Variants in EPHA6 observed in about 807,000 individuals in gnomAD.
The protein encoded by EPHA6 is ephrin type-A receptor 6.
In EPHA6, 50 loss-of-function variants were observed where a neutral mutation model predicts 112.0. The ratio of observed to expected loss-of-function variants is 0.45; its 90% CI spans 0.36 to 0.56. The LOEUF is 0.56. EPHA6 is among the 20% of genes least tolerant of loss of function. EPHA6 has a pLI of 0.00. For synonymous variants in EPHA6, 529 were observed against 490.7 expected, an observed-to-expected ratio of 1.08 and a Z score of -1.03; for missense variants, 1,280 against 1,417.4, an observed-to-expected ratio of 0.90 and a Z score of 1.56.
chr3:97,515,963 T>G (rs531498899), intron 10 of EPHA6, among the ~76,000 whole-genome samples: 6 of 152,084 alleles, frequency 3.9e-5, no homozygotes, highest in South Asian at 4.1e-4. Flanking sequence ...AAACACCTCA[T>G]TCTCAGGTCT....
chr3:96,991,928 A>T (rs1354946401), intron 3 of EPHA6, among the ~76,000 whole-genome samples: 1 of 152,102 alleles, frequency 6.6e-6, no homozygotes, highest in Non-Finnish European at 1.5e-5. Flanking sequence ...GTGAAGTGCA[A>T]CTGGTGTTTT....
At chr3:97,251,905 T>G (rs559421702) in intron 5 of EPHA6, among the ~76,000 whole-genome samples, 1 of 152,220 alleles carries the variant, frequency 6.6e-6, no homozygotes, top group East Asian at 1.9e-4. Context: ...TGGCACAATG[T>G]TTTTTGTTTG....
rs773813593 is a variant in EPHA6 at position 97,483,910 on chromosome 3, A to G, written c.2075-24A>G. 1.0e-5 allele frequency: 16 copies of G among 1,582,932 alleles called. No individual in the cohort carries two copies. The South Asian group carries it at 1.4e-4, about 14-fold the overall frequency. On this transcript the variant is annotated intron_variant, in intron 9 of 17. Transcript: ENST00000389672. The stretch of plus-strand genomic sequence containing the variant: ...CCACTGAGATACTCAAACTAAATCA[A>G]TCGTTTTGTTATTGTTGTTGCAGTG...
At chr3:97,480,183 T>G (rs1237032595) in intron 9 of EPHA6, among the ~76,000 whole-genome samples, 1 of 151,890 alleles carries the variant, frequency 6.6e-6, no homozygotes, top group African/African-American at 2.4e-5. Flanking sequence ...TTTATTATTA[T>G]TTTTTAAGTA....
chr3:96,861,161 GAGGTTCTTGGAATGAGTGAAATAAGA>G (rs1301783472), intron 1 of EPHA6, among the ~76,000 whole-genome samples: 1 of 152,058 alleles, frequency 6.6e-6, no homozygotes, highest in East Asian at 1.9e-4. Flanking sequence ...TAAGGATCTG[GAGGTTCTTGGAATGAGTGAAATAAGA>G]AGGTATGAAA....
At chr3:97,155,784 G>T (rs1371594702) in intron 3 of EPHA6, among the ~76,000 whole-genome samples, 2 of 152,124 alleles carry the variant, frequency 1.3e-5, no homozygotes, top group Non-Finnish European at 2.9e-5. Context: ...GCCCTTGCAT[G>T]TGGGTTCCTA....
Position 97,293,183 on chromosome 3 carries a change from C to G in EPHA6, c.1606+48896C>G, listed in dbSNP as rs188894836. On this transcript the variant is annotated intron_variant, in intron 5 of 17. Transcript: ENST00000389672. ...ATCCCAGCAAGCGTCCAGCTCTCAG[C>G]AGAGAGGAGACCCGTGATAGGTAGC... Among the ~76,000 whole-genome samples the G allele has an allele frequency of 1.5e-3, 224 of 151,644 alleles. 1 individual carries two copies. Among genetic ancestry groups the G allele is most frequent in the African/African-American group, 5.1e-3 (212 of 41,332 alleles).
intron 7 of EPHA6, among the ~76,000 whole-genome samples, chr3:97,465,914 A>G (rs1298733573): frequency 6.6e-6 from 1 of 152,014 alleles, no homozygotes; most frequent in Admixed American, 6.6e-5. Context: ...AAAATATTTC[A>G]CATTCTAACA....
chr3:97,645,497 A>C (rs1310453536), intron 14 of EPHA6, among the ~76,000 whole-genome samples: 1 of 127,712 alleles, frequency 7.8e-6, no homozygotes, highest in East Asian at 2.5e-4. Flanking sequence ...GGGGAATATC[A>C]CACTCTGGGG....
At chr3:97,062,724 TTCTC>T (rs2046060618) in intron 3 of EPHA6, among the ~76,000 whole-genome samples, 1 of 152,172 alleles carries the variant, frequency 6.6e-6, no homozygotes, top group Admixed American at 6.5e-5. Flanking sequence ...TTGGTTCTCA[TTCTC>T]TCTTGCCTGT....
At chr3:97,289,447 T>C (rs1192608383) in intron 5 of EPHA6, among the ~76,000 whole-genome samples, 1 of 152,202 alleles carries the variant, frequency 6.6e-6, no homozygotes, top group African/African-American at 2.4e-5. Context: ...TGTGTCTGTT[T>C]TTGTACCAGT....
At chr3:97,093,203 C>CT (rs1353186363) in intron 3 of EPHA6, among the ~76,000 whole-genome samples, 1 of 152,148 alleles carries the variant, frequency 6.6e-6, no homozygotes. Flanking sequence ...TCTTATCAAG[C>CT]TAACTGTATG....
rs182146010 is a variant in EPHA6, at chr3:96,900,014, T to C, written c.450+33125T>C. 2.8e-4 allele frequency among the ~76,000 whole-genome samples: 43 copies of C among 152,324 alleles called. No individual in the cohort carries two copies. In the East Asian group the frequency reaches 6.2e-3, roughly 22 times the overall value. On this transcript the variant is annotated intron_variant, in intron 2 of 17. Transcript: ENST00000389672. ...CCTACTGGGAGGCTTTGATTTATTC[T>C]GTACTGTGAACCATGGGAAAGTAAA...
intron 5 of EPHA6, among the ~76,000 whole-genome samples, chr3:97,299,205 G>T (rs1389840969): frequency 1.3e-5 from 2 of 150,752 alleles, no homozygotes; most frequent in Non-Finnish European, 3.0e-5. Flanking sequence ...GTGTGTGTGT[G>T]TGTGTGTAGG....
intron 1 of EPHA6, among the ~76,000 whole-genome samples, chr3:96,829,940 C>CGCGT (rs1553713351): frequency 4.9e-5 from 5 of 101,398 alleles, no homozygotes; most frequent in African/African-American, 1.9e-4. Flanking sequence ...CGTGCATGTG[C>CGCGT]GCGCGCGCGC....
At chr3:97,555,938 C>T (rs557896726) in intron 11 of EPHA6, among the ~76,000 whole-genome samples, 3 of 152,070 alleles carry the variant, frequency 2.0e-5, no homozygotes, top group African/African-American at 7.2e-5. Context: ...TTAATTAAAT[C>T]GAGTGTGCCT....
intron 5 of EPHA6, among the ~76,000 whole-genome samples, chr3:97,318,908 G>A (rs1272735257): frequency 1.3e-5 from 2 of 151,592 alleles, no homozygotes; most frequent in East Asian, 3.9e-4. Context: ...ATTTATGCAA[G>A]TTATTTATGT....
intron 10 of EPHA6, among the ~76,000 whole-genome samples, chr3:97,509,003 T>C (rs2092313613): frequency 1.8e-5 from 2 of 113,614 alleles, no homozygotes; most frequent in South Asian, 3.4e-4. Context: ...TTTTTTTTTT[T>C]TTTTTTTTTT....
At chr3:97,573,628 A>G (rs1293510478) in intron 11 of EPHA6, among the ~76,000 whole-genome samples, 1 of 152,116 alleles carries the variant, frequency 6.6e-6, no homozygotes, top group East Asian at 1.9e-4. Flanking sequence ...GTTTTAGGGT[A>G]CATGTGCACA....
Sources: gnomAD v4.1 joint callset for allele counts (sites outside exome capture counted in the v4.1 genomes callset) on GRCh38, gnomAD v4.1.1 for gene constraint, MANE v1.5 for transcripts, NCBI Gene and HGNC (gene_info 2026-07-23, HGNC 2026-07-21) for gene names.